The following CNTNAP2 variants were observed in gnomAD, a reference collection of about 807,000 sequenced individuals.
CNTNAP2 encodes the protein contactin associated protein 2, also known as contactin-associated protein-like 2.
A neutral mutation model predicts 155.2 loss-of-function variants in CNTNAP2; 98 were observed. The ratio of observed to expected loss-of-function variants is 0.63; its 90% CI spans 0.54 to 0.75. The LOEUF (loss-of-function observed/expected upper bound fraction) is 0.75, where lower values mean the gene tolerates loss of function less well. Among genes scored for constraint, CNTNAP2 ranks in the 30% least tolerant of loss-of-function variants. The probability of loss-of-function intolerance (pLI) is 0.00; values close to 1 mark genes in which losing one functional copy is unlikely to be tolerated. For synonymous variants in CNTNAP2, 651 were observed against 631.2 expected, an observed-to-expected ratio of 1.03 and a Z score of -0.47; for missense variants, 1,727 against 1,688.1, an observed-to-expected ratio of 1.02 and a Z score of -0.40.
rs543158031 is a variant in CNTNAP2, at chr7:147,094,487, C to T, written c.551-13660C>T. Among the ~76,000 whole-genome samples the T allele has an allele frequency of 2.9e-3, 443 of 150,954 alleles. 2 individuals carry two copies. Among genetic ancestry groups the T allele is most frequent in the Middle Eastern group, 6.8e-3 (2 of 292 alleles). On this transcript the variant is annotated intron_variant, in intron 4 of 23. Transcript: ENST00000361727. Reference sequence around the variant, plus strand: ...CGCGATCTCGGCTCACTGCAAGCTCCGCCTCCTGGGTTCACGCCATTCTCC... The same window carrying T: ...CGCGATCTCGGCTCACTGCAAGCTCTGCCTCCTGGGTTCACGCCATTCTCC...
At chr7:147,365,383 G>GAACAAAAAAAA (rs1796211290) in intron 9 of CNTNAP2, among the ~76,000 whole-genome samples, 1 of 93,638 alleles carries the variant, frequency 1.1e-5, no homozygotes, top group African/African-American at 4.3e-5. Context: ...ATCTCAAAAA[G>GAACAAAAAAAA]AAAAAAAAAA....
At chr7:146,336,818 A>T (rs1216851080) in intron 1 of CNTNAP2, among the ~76,000 whole-genome samples, 1 of 152,216 alleles carries the variant, frequency 6.6e-6, no homozygotes, top group Admixed American at 6.5e-5. Context: ...ACTTGGATGG[A>T]TCTCAAGGGC....
chr7:147,466,994 A>G (rs112830192), intron 10 of CNTNAP2, among the ~76,000 whole-genome samples: 1 of 152,344 alleles, frequency 6.6e-6, no homozygotes, highest in African/African-American at 2.4e-5. Context: ...AAGTTAATGT[A>G]TCTTATATAG....
chr7:147,840,723 A>G (rs1798714272), intron 13 of CNTNAP2, among the ~76,000 whole-genome samples: 2 of 152,200 alleles, frequency 1.3e-5, no homozygotes, highest in Non-Finnish European at 2.9e-5. Flanking sequence ...AATCCAGAAG[A>G]GAAATGATTC....
At chr7:146,789,670 A>G (rs10156012) in intron 2 of CNTNAP2, among the ~76,000 whole-genome samples, 23,811 of 151,294 alleles carry the variant, frequency 0.16, 2,314 homozygotes, top group African/African-American at 0.27. Flanking sequence ...TGAACAGAAC[A>G]ATGAGACCAA....
chr7:147,168,002 G>A (rs890136451), intron 8 of CNTNAP2, among the ~76,000 whole-genome samples: 2 of 148,162 alleles, frequency 1.3e-5, no homozygotes, highest in African/African-American at 2.5e-5. Context: ...AAATTTACAT[G>A]CATATATATA....
chr7:147,742,861 A>G (rs1796976852), intron 13 of CNTNAP2, among the ~76,000 whole-genome samples: 1 of 152,200 alleles, frequency 6.6e-6, no homozygotes, highest in African/African-American at 2.4e-5. Context: ...TTAATACAAG[A>G]ATGAATTTCA....
At position 146,322,860 on chromosome 7, in the gene CNTNAP2, G is replaced by T. The variant is rs117423621; in HGVS notation, c.97+205887G>T. On this transcript the variant is annotated intron_variant, in intron 1 of 23. Coordinates refer to ENST00000361727, the MANE Select transcript of CNTNAP2 (RefSeq NM_014141.6). The stretch of plus-strand genomic sequence containing the variant: ...GATACATATAATGGGTTATGAACTG[G>T]AAATCAGAGGGTGTGAATTTGCTTT... Among the ~76,000 whole-genome samples, 922 of 151,968 alleles carry T rather than the reference G, an allele frequency of 6.1e-3. 7 individuals are homozygous for T. Among genetic ancestry groups the T allele is most frequent in the Non-Finnish European group, 9.6e-3 (655 of 67,932 alleles).
intron 13 of CNTNAP2, among the ~76,000 whole-genome samples, chr7:147,812,008 T>C (rs1798186773): frequency 6.6e-6 from 1 of 152,098 alleles, no homozygotes; most frequent in Non-Finnish European, 1.5e-5. Flanking sequence ...AATCAAATAA[T>C]AGCAATGTTA....
chr7:147,999,381 A>C (rs1033469348), intron 15 of CNTNAP2, among the ~76,000 whole-genome samples: 1 of 151,584 alleles, frequency 6.6e-6, no homozygotes, highest in African/African-American at 2.4e-5. Context: ...CGGCCAGTAG[A>C]AATCTTTTTT....
At chr7:146,363,938 G>A (rs903414745) in intron 1 of CNTNAP2, among the ~76,000 whole-genome samples, 1 of 152,086 alleles carries the variant, frequency 6.6e-6, no homozygotes, top group Non-Finnish European at 1.5e-5. Flanking sequence ...AAGCAAGAGA[G>A]AATTCAAAGA....
At chr7:148,046,226 G>C (rs150885155) in intron 15 of CNTNAP2, among the ~76,000 whole-genome samples, 1 of 152,082 alleles carries the variant, frequency 6.6e-6, no homozygotes, top group African/African-American at 2.4e-5. Flanking sequence ...GATTACACTC[G>C]TGAGCCATTG....
intron 1 of CNTNAP2, among the ~76,000 whole-genome samples, chr7:146,448,333 C>G (rs1271631498): frequency 1.3e-5 from 2 of 151,868 alleles, no homozygotes; most frequent in Non-Finnish European, 2.9e-5. Flanking sequence ...CTCCTGCCTT[C>G]CAGCTCAAAA....
chr7:147,074,138 T>G (rs559131918), intron 4 of CNTNAP2, among the ~76,000 whole-genome samples: 2 of 152,226 alleles, frequency 1.3e-5, no homozygotes, highest in South Asian at 4.1e-4. Context: ...ATCCAACATT[T>G]TCAGTGGCAG....
In CNTNAP2 at chr7:147,606,063, C is replaced by T. The variant is rs1036473447; in HGVS notation, c.1898-33043C>T. Among the ~76,000 whole-genome samples, 17 of 152,208 alleles carry T rather than the reference C, an allele frequency of 1.1e-4. No individual in the cohort carries two copies. The Middle Eastern group carries it at 0.014, about 122-fold the overall frequency. Reference sequence around the variant, plus strand: ...CAAACCAAAAAAAACAGCCTGTTCACCGTTCACTAAGCTGTTCGTACAGTA... The same window carrying T: ...CAAACCAAAAAAAACAGCCTGTTCATCGTTCACTAAGCTGTTCGTACAGTA... On this transcript the variant is annotated intron_variant, in intron 12 of 23. Coordinates refer to ENST00000361727, the MANE Select transcript of CNTNAP2 (RefSeq NM_014141.6).
At chr7:148,275,137 G>A (rs2116851779) in intron 21 of CNTNAP2, among the ~76,000 whole-genome samples, 1 of 152,276 alleles carries the variant, frequency 6.6e-6, no homozygotes, top group South Asian at 2.1e-4. Flanking sequence ...AGTTCTCAGA[G>A]GTTTCTCTTG....
intron 14 of CNTNAP2, among the ~76,000 whole-genome samples, chr7:147,945,706 T>TATAA (rs34411745): frequency 6.8e-6 from 1 of 147,278 alleles, no homozygotes; most frequent in Non-Finnish European, 1.5e-5. Flanking sequence ...TATATATATA[T>TATAA]AACTAATCAC....
chr7:147,104,348 G>T (rs1160063386), intron 4 of CNTNAP2, among the ~76,000 whole-genome samples: 3 of 151,780 alleles, frequency 2.0e-5, no homozygotes, highest in Non-Finnish European at 4.4e-5. Flanking sequence ...ATGAAATAAG[G>T]TTTAAAAAAT....
intron 3 of CNTNAP2, among the ~76,000 whole-genome samples, chr7:146,848,174 A>T (rs1222800890): frequency 6.6e-6 from 1 of 152,190 alleles, no homozygotes; most frequent in Non-Finnish European, 1.5e-5. Context: ...TCTACAGTTT[A>T]GGAAGACTCA....
Sources: gnomAD v4.1 joint callset for allele counts (sites outside exome capture counted in the v4.1 genomes callset) on GRCh38, gnomAD v4.1.1 for gene constraint, MANE v1.5 for transcripts, NCBI Gene and HGNC (gene_info 2026-07-23, HGNC 2026-07-21) for gene names.